ASAP1: variants seen among roughly 807,000 people sequenced by gnomAD.
ASAP1 encodes ArfGAP with SH3 domain, ankyrin repeat and PH domain 1.
Under a neutral mutation model 145.2 loss-of-function variants are expected in ASAP1, and 43 were observed. The ratio of observed to expected loss-of-function variants is 0.30; its 90% CI spans 0.23 to 0.38. The LOEUF (loss-of-function observed/expected upper bound fraction) is 0.38, where lower values mean the gene tolerates loss of function less well. ASAP1 is among the 10% of genes least tolerant of loss of function. The pLI is 1.00. For missense variants in ASAP1, 1,018 were observed against 1,355.3 expected, an observed-to-expected ratio of 0.75 and a Z score of 3.91; for synonymous variants, 546 against 515.5, an observed-to-expected ratio of 1.06 and a Z score of -0.80.
intron 1 of ASAP1, among the ~76,000 whole-genome samples, chr8:130,441,940 C>T (rs749018940): frequency 6.6e-6 from 1 of 152,164 alleles, no homozygotes; most frequent in Non-Finnish European, 1.5e-5. Flanking sequence ...TAAGATACTG[C>T]CCTTTTTTGG....
intron 5 of ASAP1, among the ~76,000 whole-genome samples, chr8:130,212,642 T>C (rs1316018019): frequency 6.6e-6 from 1 of 152,184 alleles, no homozygotes; most frequent in Non-Finnish European, 1.5e-5. Context: ...AATGAAATAA[T>C]CTACATAACA....
At chr8:130,314,473 C>T (rs1316661873) in intron 3 of ASAP1, among the ~76,000 whole-genome samples, 1 of 152,148 alleles carries the variant, frequency 6.6e-6, no homozygotes, top group Non-Finnish European at 1.5e-5. Context: ...ACAAATTGTC[C>T]AAAAACTACC....
chr8:130,327,330 G>A (rs1418302099), intron 3 of ASAP1, among the ~76,000 whole-genome samples: 1 of 152,174 alleles, frequency 6.6e-6, no homozygotes, highest in Non-Finnish European at 1.5e-5. Flanking sequence ...AGCTGCTGCT[G>A]TTATTCCCTG....
intron 3 of ASAP1, among the ~76,000 whole-genome samples, chr8:130,242,446 G>A (rs977736089): frequency 2.6e-5 from 4 of 151,986 alleles, no homozygotes; most frequent in Non-Finnish European, 5.9e-5. Flanking sequence ...TCCTTTAATA[G>A]GGGAAGCAAG....
chr8:130,356,944 C>G (rs775350538), intron 3 of ASAP1, among the ~76,000 whole-genome samples: 1 of 152,214 alleles, frequency 6.6e-6, no homozygotes, highest in Admixed American at 6.5e-5. Flanking sequence ...GCATAACCCA[C>G]CCAGGGAAAA....
At chr8:130,318,241 C>T (rs1429392899) in intron 3 of ASAP1, among the ~76,000 whole-genome samples, 3 of 152,266 alleles carry the variant, frequency 2.0e-5, no homozygotes, top group South Asian at 4.2e-4. Flanking sequence ...ACCACCATAC[C>T]CAGCTCATTT....
intron 15 of ASAP1, among the ~76,000 whole-genome samples, chr8:130,131,990 A>G (rs1176279799): frequency 6.6e-6 from 1 of 152,230 alleles, no homozygotes; most frequent in Non-Finnish European, 1.5e-5. Flanking sequence ...GAACAAACAG[A>G]AAGTGGTTGT....
intron 15 of ASAP1, among the ~76,000 whole-genome samples, chr8:130,133,691 A>ACAAAC (rs201669726): frequency 1.3e-5 from 2 of 150,908 alleles, no homozygotes; most frequent in Non-Finnish European, 3.0e-5. Context: ...AAACAAACAA[A>ACAAAC]AAAAAAAACA....
chr8:130,110,482 GA>G (rs1312402704), intron 24 of ASAP1, among the ~76,000 whole-genome samples: 1 of 152,208 alleles, frequency 6.6e-6, no homozygotes, highest in Non-Finnish European at 1.5e-5. Flanking sequence ...CCCTGATGGG[GA>G]ATGCCATTAC....
In ASAP1 at chr8:130,346,318, C is replaced by T. The variant is rs73417936; in HGVS notation, c.186+11699G>A. Among the ~76,000 whole-genome samples, 601 of 152,350 alleles carry T rather than the reference C, an allele frequency of 3.9e-3. 2 individuals are homozygous for T. The highest frequency in any genetic ancestry group is 0.014 in the African/African-American group (582 of 41,580). On this transcript the variant is annotated intron_variant, in intron 3 of 29. Coordinates refer to ENST00000518721, the MANE Select transcript of ASAP1 (RefSeq NM_018482.4). ...CAAAATCAGGAAGAAAAAAATCCTA[C>T]TTCCATGGCCATCCGGTTGGTATTT...
At chr8:130,085,023 G>A (rs1055273089) in intron 25 of ASAP1, among the ~76,000 whole-genome samples, 1 of 152,314 alleles carries the variant, frequency 6.6e-6, no homozygotes, top group Non-Finnish European at 1.5e-5. Flanking sequence ...CACTTTGTCA[G>A]GGATTGGTAG....
At chr8:130,339,621 C>CA (rs1184273508) in intron 3 of ASAP1, among the ~76,000 whole-genome samples, 3 of 151,892 alleles carry the variant, frequency 2.0e-5, no homozygotes, top group Admixed American at 6.6e-5. Context: ...GGCTCAAACA[C>CA]AAAAAAATCA....
At chr8:130,167,397 T>G (rs929289299) in intron 11 of ASAP1, 139 bp downstream of exon 11, 1 of 806,920 alleles carries the variant, frequency 1.2e-6, no homozygotes, top group Admixed American at 1.7e-5. Context: ...AAATACAGTT[T>G]CTACATGGGG....
intron 29 of ASAP1, among the ~76,000 whole-genome samples, chr8:130,055,256 A>G (rs1421029875): frequency 1.3e-5 from 2 of 152,048 alleles, no homozygotes; most frequent in Admixed American, 6.6e-5. Flanking sequence ...GGGGCTAAAG[A>G]AAATCCCTTC....
chr8:130,108,770 T>G (rs895046660), intron 24 of ASAP1, among the ~76,000 whole-genome samples: 9 of 119,632 alleles, frequency 7.5e-5, no homozygotes, highest in Non-Finnish European at 1.0e-4. Flanking sequence ...TTTTTTTTTT[T>G]TTTTTTTTTT....
intron 4 of ASAP1, among the ~76,000 whole-genome samples, chr8:130,222,035 T>A (rs1179271790): frequency 1.3e-5 from 2 of 152,198 alleles, no homozygotes; most frequent in Admixed American, 1.3e-4. Flanking sequence ...GGCCACTGCA[T>A]TGGAGCCAGC....
chr8:130,342,864 C>T (rs570616031), intron 3 of ASAP1, among the ~76,000 whole-genome samples: 1 of 152,306 alleles, frequency 6.6e-6, no homozygotes, highest in South Asian at 2.1e-4. Context: ...GCACATCTAA[C>T]TTCTACCCCT....
intron 1 of ASAP1, among the ~76,000 whole-genome samples, chr8:130,416,086 T>A (rs1829463365): frequency 6.6e-6 from 1 of 152,158 alleles, no homozygotes; most frequent in African/African-American, 2.4e-5. Context: ...CAGCTGTTTG[T>A]CTCCCAGGCG....
chr8:130,139,075 G>A (rs1024547143), intron 13 of ASAP1, among the ~76,000 whole-genome samples: 1 of 152,120 alleles, frequency 6.6e-6, no homozygotes, highest in African/African-American at 2.4e-5. Context: ...CTCTTGCTAC[G>A]ATATTATGTT....
Sources: gnomAD v4.1 joint callset for allele counts (sites outside exome capture counted in the v4.1 genomes callset) on GRCh38, gnomAD v4.1.1 for gene constraint, MANE v1.5 for transcripts, NCBI Gene and HGNC (gene_info 2026-07-23, HGNC 2026-07-21) for gene names.